ROBO2: variants seen among roughly 807,000 people sequenced by gnomAD.
The protein encoded by ROBO2 is roundabout homolog 2.
ROBO2 carries 53 observed loss-of-function variants against 160.8 expected under a neutral mutation model. The ratio of observed to expected loss-of-function variants is 0.33; its 90% CI spans 0.26 to 0.41. The LOEUF (loss-of-function observed/expected upper bound fraction) is 0.41. Among genes scored for constraint, ROBO2 ranks in the 10% least tolerant of loss-of-function variants. The probability of loss-of-function intolerance (pLI) is 1.00; values close to 1 mark genes in which losing one functional copy is unlikely to be tolerated. For missense variants in ROBO2, 1,577 were observed against 1,722.4 expected (o/e 0.92, Z 1.49); for synonymous variants, 664 against 611.7 (o/e 1.09, Z -1.26).
chr3:77,041,487 G>A (rs190441978), intron 1 of ROBO2, among the ~76,000 whole-genome samples: 12 of 152,314 alleles, frequency 7.9e-5, no homozygotes, highest in Admixed American at 5.2e-4. Context: ...AACACAATGG[G>A]GACCTTAAAC....
At chr3:76,756,491 G>A (rs1295878885) in intron 2 of ROBO2, among the ~76,000 whole-genome samples, 1 of 151,702 alleles carries the variant, frequency 6.6e-6, no homozygotes, top group Non-Finnish European at 1.5e-5. Flanking sequence ...ACTTTCAAAT[G>A]ACCAATGAAA....
intron 2 of ROBO2, among the ~76,000 whole-genome samples, chr3:77,348,866 G>A (rs113784071): frequency 0.011 from 1,663 of 152,144 alleles, 17 homozygotes; most frequent in Middle Eastern, 0.017. Flanking sequence ...TCTTACAGAT[G>A]CATCACCTGT....
At chr3:76,423,240 A>T (rs913664837) in intron 2 of ROBO2, among the ~76,000 whole-genome samples, 3 of 152,210 alleles carry the variant, frequency 2.0e-5, no homozygotes, top group African/African-American at 7.2e-5. Flanking sequence ...GAGAGCAGAT[A>T]AGGAAGACAC....
At position 76,103,450 on chromosome 3, in the gene ROBO2, A is replaced by G. The variant is rs530506364; in HGVS notation, c.109+165848A>G. ...GTGTTACATGTAGTTGGAGTCTGCA[A>G]CGCACCCTCTGCTCACAATACACAG... is the stretch of plus-strand genomic sequence containing the variant. On this transcript the variant is annotated intron_variant, in intron 2 of 26. Coordinates refer to the ROBO2 transcript ENST00000487694. 8.5e-5 allele frequency among the ~76,000 whole-genome samples: 13 copies of G among 152,350 alleles called. No individual in the cohort carries two copies. The East Asian group carries it at 2.3e-3, about 27-fold the overall frequency.
chr3:76,082,027 C>T (rs2068851296), intron 2 of ROBO2, among the ~76,000 whole-genome samples: 1 of 152,102 alleles, frequency 6.6e-6, no homozygotes, highest in Non-Finnish European at 1.5e-5. Flanking sequence ...CCGTTAATCT[C>T]CTTTCTTCAC....
intron 2 of ROBO2, among the ~76,000 whole-genome samples, chr3:76,411,397 TA>T (rs1372187125): frequency 6.6e-6 from 1 of 152,066 alleles, no homozygotes; most frequent in East Asian, 1.9e-4. Context: ...TAAATTGAAA[TA>T]ACAGATAATA....
At chr3:76,797,935 G>T (rs996871881) in intron 2 of ROBO2, among the ~76,000 whole-genome samples, 2 of 151,586 alleles carry the variant, frequency 1.3e-5, no homozygotes, top group Non-Finnish European at 1.5e-5. Flanking sequence ...ATAATAAAAA[G>T]TCTCCCAGCA....
At chr3:76,704,228 C>T (rs1187370923) in intron 2 of ROBO2, among the ~76,000 whole-genome samples, 1 of 152,102 alleles carries the variant, frequency 6.6e-6, no homozygotes, top group African/African-American at 2.4e-5. Context: ...TCACAAAGTT[C>T]CTCTGGCTGT....
At chr3:77,575,460 T>A (rs981513628) in intron 14 of ROBO2, among the ~76,000 whole-genome samples, 7 of 152,114 alleles carry the variant, frequency 4.6e-5, no homozygotes, top group African/African-American at 1.7e-4. Flanking sequence ...TTTAAACATA[T>A]TTCATACAAA....
chr3:77,436,937 T>G (rs1000362568), intron 2 of ROBO2, among the ~76,000 whole-genome samples: 4 of 152,128 alleles, frequency 2.6e-5, no homozygotes, highest in Admixed American at 6.6e-5. Flanking sequence ...CTTATTTTAT[T>G]ATTAAGAAGT....
chr3:76,688,991 A>G (rs2092742837), intron 2 of ROBO2, among the ~76,000 whole-genome samples: 1 of 152,068 alleles, frequency 6.6e-6, no homozygotes, highest in Admixed American at 6.6e-5. Context: ...AGTTGATAGG[A>G]TATTGCAATG....
chr3:76,040,566 G>A (rs2067245888), intron 2 of ROBO2, among the ~76,000 whole-genome samples: 1 of 151,860 alleles, frequency 6.6e-6, no homozygotes, highest in Non-Finnish European at 1.5e-5. Context: ...TTTTATTTTT[G>A]TAAGAACAAT....
chr3:76,778,090 G>T (rs2062395295), intron 2 of ROBO2, among the ~76,000 whole-genome samples: 1 of 150,054 alleles, frequency 6.7e-6, no homozygotes, highest in Admixed American at 6.6e-5. Context: ...AGGAGAGGTG[G>T]TGTGTAGTGT....
intron 2 of ROBO2, among the ~76,000 whole-genome samples, chr3:77,165,852 C>G (rs1264760354): frequency 6.6e-6 from 1 of 152,122 alleles, no homozygotes; most frequent in Non-Finnish European, 1.5e-5. Context: ...GAGCTGTCTT[C>G]TTTTATCCCC....
chr3:76,344,832 T>C (rs988020248), intron 2 of ROBO2, among the ~76,000 whole-genome samples: 1 of 152,158 alleles, frequency 6.6e-6, no homozygotes, highest in African/African-American at 2.4e-5. Context: ...ATAATAACAG[T>C]GACTGTGGAC....
At chr3:77,598,487 G>GTATA (rs369073693) in intron 19 of ROBO2, among the ~76,000 whole-genome samples, 1,881 of 136,896 alleles carry the variant, frequency 0.014, 45 homozygotes, top group African/African-American at 0.046. Context: ...TATATAGTGT[G>GTATA]TATATATATA....
At chr3:76,812,318 T>A (rs961322320) in intron 2 of ROBO2, among the ~76,000 whole-genome samples, 43 of 115,442 alleles carry the variant, frequency 3.7e-4, no homozygotes, top group African/African-American at 1.3e-3. Context: ...TTAAAAATTA[T>A]ACAAATTTTA....
chr3:76,308,758 G>A (rs1370529988), intron 2 of ROBO2, among the ~76,000 whole-genome samples: 2 of 152,130 alleles, frequency 1.3e-5, no homozygotes, highest in African/African-American at 4.8e-5. Context: ...GACTTCCCTT[G>A]TTGAGCAACA....
chr3:76,515,783 G>A (rs1448181101), intron 2 of ROBO2, among the ~76,000 whole-genome samples: 9 of 152,064 alleles, frequency 5.9e-5, no homozygotes, highest in Non-Finnish European at 1.2e-4. Flanking sequence ...TCTGTCAAAC[G>A]TTCATTCCCT....
Sources: allele counts gnomAD v4.1 joint callset (sites outside exome capture counted in the v4.1 genomes callset), GRCh38; gene constraint gnomAD v4.1.1; transcripts MANE v1.5; gene names NCBI Gene and HGNC (gene_info 2026-07-23, HGNC 2026-07-21).